The following B4GALT1 variants were observed in gnomAD, a reference collection of about 807,000 sequenced individuals.
B4GALT1 encodes the protein beta-1,4-galactosyltransferase 1, also known as N-acetyllactosamine synthase.
B4GALT1 carries 16 observed loss-of-function variants against 34.9 expected under a neutral mutation model. The observed-to-expected ratio is 0.46, with a 90% CI of 0.31 to 0.70. The LOEUF (loss-of-function observed/expected upper bound fraction) is 0.70, where lower values mean the gene tolerates loss of function less well. Ranked by LOEUF, B4GALT1 falls within the 30% of genes least tolerant of loss-of-function variation. B4GALT1 has a pLI of 0.05. For missense variants in B4GALT1, 445 were observed against 530.5 expected (o/e 0.84, Z 1.58); for synonymous variants, 221 against 218.1 (o/e 1.01, Z -0.12).
chr9:33,148,001 T>C lies in B4GALT1; in HGVS notation c.413-12577A>G, dbSNP rs143036730. 7.4e-3 allele frequency among the ~76,000 whole-genome samples: 1,127 copies of C among 152,044 alleles called. 12 individuals carry two copies. Among genetic ancestry groups the C allele is most frequent in the African/African-American group, 0.025 (1,056 of 41,436 alleles). The stretch of plus-strand genomic sequence containing the variant: ...ATGAGTCATGATCATACCACTGCAC[T>C]CCAGTCTGGGTGACAGAGCAAAACC... On this transcript the variant is annotated intron_variant, in intron 1 of 5. Coordinates refer to ENST00000379731, the MANE Select transcript of B4GALT1 (RefSeq NM_001497.4).
At chr9:33,120,216 A>C (rs1408423517) in intron 3 of B4GALT1, among the ~76,000 whole-genome samples, 1 of 151,816 alleles carries the variant, frequency 6.6e-6, no homozygotes, top group Non-Finnish European at 1.5e-5. Flanking sequence ...AGGGGGGAAA[A>C]TTTGTTTTTG....
intron 1 of B4GALT1, among the ~76,000 whole-genome samples, chr9:33,163,630 T>C (rs1248297920): frequency 2.0e-5 from 3 of 152,194 alleles, no homozygotes; most frequent in Non-Finnish European, 2.9e-5. Context: ...TCAAGTCCCA[T>C]TGAGCTGCTG....
intron 1 of B4GALT1, among the ~76,000 whole-genome samples, chr9:33,137,344 ACT>A (rs1387165949): frequency 6.6e-6 from 1 of 151,742 alleles, no homozygotes; most frequent in African/African-American, 2.4e-5. Context: ...TGATCCTTTT[ACT>A]CTCTGCGCTA....
the B4GALT1 span, among the ~76,000 whole-genome samples, chr9:33,181,582 A>C: frequency 2.6e-5 from 4 of 151,926 alleles, no homozygotes; most frequent in Admixed American, 1.3e-4. Flanking sequence ...ACTCTTCCCT[A>C]TGTGGTTGGG....
the B4GALT1 span, among the ~76,000 whole-genome samples, chr9:33,174,958 T>TAAAAAAA: frequency 1.5e-4 from 2 of 13,356 alleles, no homozygotes; most frequent in African/African-American, 2.9e-4. Context: ...GACTCTGTCT[T>TAAAAAAA]AAAAAAAAAA....
the B4GALT1 span, among the ~76,000 whole-genome samples, chr9:33,183,335 G>A: frequency 1.1e-4 from 17 of 150,946 alleles, no homozygotes; most frequent in South Asian, 2.1e-4. Flanking sequence ...ACATGCACAC[G>A]TATGTTTATT....
At chr9:33,123,277 CAAAAAAAAAAAAAA>C (rs72342632) in intron 2 of B4GALT1, among the ~76,000 whole-genome samples, 5,799 of 86,000 alleles carry the variant, frequency 0.067, 200 homozygotes, top group Non-Finnish European at 0.086. Context: ...GACACTGTCT[CAAAAAAAAAAAAAA>C]AAAAAAAAAA....
chr9:33,137,131 T>C (rs1445951995), intron 1 of B4GALT1, among the ~76,000 whole-genome samples: 2 of 152,192 alleles, frequency 1.3e-5, no homozygotes, highest in Non-Finnish European at 2.9e-5. Flanking sequence ...AAACCTCCAG[T>C]GGCTCTAAGG....
At chr9:33,155,352 A>G (rs1394746388) in intron 1 of B4GALT1, among the ~76,000 whole-genome samples, 3 of 152,210 alleles carry the variant, frequency 2.0e-5, no homozygotes, top group Non-Finnish European at 2.9e-5. Flanking sequence ...CACCAGGCAC[A>G]CAAGACTGAG....
At chr9:33,144,093 A>C (rs1439262417) in intron 1 of B4GALT1, among the ~76,000 whole-genome samples, 1 of 152,124 alleles carries the variant, frequency 6.6e-6, no homozygotes, top group African/African-American at 2.4e-5. Context: ...AGATGTTGCC[A>C]GGCAAGTCTC....
At chr9:33,125,188 A>T (rs1352832022) in intron 2 of B4GALT1, among the ~76,000 whole-genome samples, 5 of 152,218 alleles carry the variant, frequency 3.3e-5, no homozygotes, top group African/African-American at 1.2e-4. Flanking sequence ...TCGACCAGAC[A>T]TAGACTCTGG....
intron 4 of B4GALT1, 151 bp from the exon 5 acceptor site, chr9:33,114,029 T>C: frequency 1.3e-6 from 1 of 742,554 alleles, no homozygotes; most frequent in South Asian, 1.5e-5. Flanking sequence ...CAGCCCAGCA[T>C]GACCCTGGTT....
At chr9:33,132,870 T>C (rs1029846591) in intron 2 of B4GALT1, among the ~76,000 whole-genome samples, 5 of 152,196 alleles carry the variant, frequency 3.3e-5, no homozygotes, top group African/African-American at 1.2e-4. Flanking sequence ...TCTTTTATCC[T>C]CTTTACCCAA....
chr9:33,133,870 G>A (rs1217255882), intron 2 of B4GALT1, among the ~76,000 whole-genome samples: 1 of 152,166 alleles, frequency 6.6e-6, no homozygotes, highest in Non-Finnish European at 1.5e-5. Context: ...CCAGGAACAT[G>A]CAAGGCTCCT....
chr9:33,156,722 C>T (rs563010287), intron 1 of B4GALT1, among the ~76,000 whole-genome samples: 1 of 152,290 alleles, frequency 6.6e-6, no homozygotes, highest in South Asian at 2.1e-4. Flanking sequence ...AATGATCAGG[C>T]GCCCAGGCTA....
chr9:33,168,509 GA>G (rs1324813425), upstream of B4GALT1, among the ~76,000 whole-genome samples: 6 of 152,368 alleles, frequency 3.9e-5, no homozygotes, highest in African/African-American at 1.4e-4. Flanking sequence ...TATCTGCCAT[GA>G]AGTAGGTGGT....
At chr9:33,169,007 C>T (rs118181678), upstream of B4GALT1, among the ~76,000 whole-genome samples, 781 of 152,316 alleles carry the variant, frequency 5.1e-3, 4 homozygotes, top group Non-Finnish European at 7.2e-3. Context: ...CCTCAGCCAG[C>T]TTTGTCAGTG....
intron 1 of B4GALT1, among the ~76,000 whole-genome samples, chr9:33,165,735 T>G (rs1840741422): frequency 6.6e-6 from 1 of 152,178 alleles, no homozygotes; most frequent in African/African-American, 2.4e-5. Context: ...ACCTGTGTGG[T>G]AACCCTGGAA....
intron 2 of B4GALT1, among the ~76,000 whole-genome samples, chr9:33,132,049 A>C (rs1383049205): frequency 6.6e-6 from 1 of 152,182 alleles, no homozygotes; most frequent in Non-Finnish European, 1.5e-5. Flanking sequence ...AAAAAGCAGA[A>C]AAGATTCTCC....
Sources: allele counts gnomAD v4.1 joint callset (sites outside exome capture counted in the v4.1 genomes callset), GRCh38; gene constraint gnomAD v4.1.1; transcripts MANE v1.5; gene names NCBI Gene and HGNC (gene_info 2026-07-23, HGNC 2026-07-21).